The following TEDC1 variants were observed in gnomAD, a reference collection of about 807,000 sequenced individuals.
TEDC1 encodes tubulin epsilon and delta complex protein 1.
Under a neutral mutation model 59.9 loss-of-function variants are expected in TEDC1, and 54 were observed. The observed-to-expected ratio is 0.90, with a 90% CI of 0.72 to 1.13. The LOEUF is 1.13. TEDC1 is among the 50% of genes most tolerant of loss of function. TEDC1 has a pLI of 0.00. For missense variants in TEDC1, 734 were observed against 683.4 expected (o/e 1.07, Z -0.83); for synonymous variants, 353 against 298.1 (o/e 1.18, Z -1.90).
rs200916915 is a variant in TEDC1 at position 105,498,858 on chromosome 14, G to A, written c.1400G>A (p.Arg467His). Residue 467 changes from arginine to histidine, a missense_variant, in exon 9 of 9, where the codon CGT (arginine) becomes CAT (histidine). Coordinates refer to ENST00000392523, the MANE Select transcript of TEDC1 (RefSeq NM_001367178.1). ...SQEACLEAVL[R>H]RLQGQCRQEL... ...GAGGCCTGCCTGGAGGCGGTGCTAC[G>A]TCGACTACAGGGACAGTGTCGGCAG... 207 of 1,611,842 alleles carry A rather than the reference G, an allele frequency of 1.3e-4. 3 individuals carry two copies. In the African/African-American group the frequency reaches 1.6e-3, roughly 13 times the overall value.
chr14:105,492,584 GGCCCTGGCCA>G lies in TEDC1; in HGVS notation c.445_454del (p.Ser149HisfsTer20). The G allele has an allele frequency of 6.5e-7, 1 of 1,538,764 alleles. No homozygotes were observed. The highest frequency in any genetic ancestry group is 8.7e-7 in the Non-Finnish European group (1 of 1,146,776). On this transcript the variant is annotated frameshift_variant, in exon 4 of 9. Transcript: ENST00000392523. LOFTEE classifies it high-confidence loss of function. ...TGACCCTTGCCCCTCTCCAGTGTGA[GGCCCTGGCCA>G]GCCCTGGCCCACCTGCACCCCACAT...
chr14:105,493,081 G>T (rs61067308), intron 4 of TEDC1, among the ~76,000 whole-genome samples: 11,534 of 152,216 alleles, frequency 0.076, 1,476 homozygotes, highest in African/African-American at 0.26. Context: ...GGGCACTGGA[G>T]GGGGAGGAAG....
upstream of TEDC1, chr14:105,490,488 G>A (rs2084182262): frequency 1.3e-5 from 2 of 152,360 alleles, no homozygotes; most frequent in African/African-American, 4.8e-5. Context: ...GCGTCTTTCG[G>A]GGCCGCCCGT....
At chr14:105,494,170 TG>T (rs2084288951) in intron 5 of TEDC1, 1 of 574,564 alleles carries the variant, frequency 1.7e-6, no homozygotes. Flanking sequence ...GTGGCACGGG[TG>T]GGGGCCCAGG....
At chr14:105,490,798 G>A, upstream of TEDC1, 1 of 581,472 alleles carries the variant, frequency 1.7e-6, no homozygotes, top group Non-Finnish European at 3.1e-6. Flanking sequence ...AGGCTCGTCC[G>A]CTCCGACTGC....
intron 2 of TEDC1, among the ~76,000 whole-genome samples, 161 bp downstream of exon 2, chr14:105,491,861 C>G (rs1030170123): frequency 3.9e-5 from 6 of 152,186 alleles, no homozygotes; most frequent in African/African-American, 1.2e-4. Context: ...GTAAGCCACG[C>G]CCCCTGATGG....
Position 105,498,998 on chromosome 14 carries a change from T to C in TEDC1, c.*52T>C. On this transcript the variant is annotated 3_prime_UTR_variant, in exon 9 of 9. Coordinates refer to ENST00000392523, the MANE Select transcript of TEDC1 (RefSeq NM_001367178.1). ...GAAGCCTGCCCTGGCCCAGCCTGGCTGGGTCTTGGAGGAGCAGATTCCAAG... is the reference window on the plus strand; with the variant it reads ...GAAGCCTGCCCTGGCCCAGCCTGGCCGGGTCTTGGAGGAGCAGATTCCAAG... The C allele has an allele frequency of 2.6e-6, 4 of 1,526,978 alleles. No homozygotes were observed. Among genetic ancestry groups the C allele is most frequent in the Non-Finnish European group, 3.5e-6 (4 of 1,136,116 alleles). The allele number at this position is 1,526,978 out of a possible 1,614,324, so 94.6% of individuals were successfully genotyped here.
intron 8 of TEDC1, 48 bp from the exon 9 acceptor site, chr14:105,498,569 G>T (rs2084398694): frequency 1.4e-6 from 2 of 1,476,896 alleles, no homozygotes; most frequent in African/African-American, 2.8e-5. Flanking sequence ...GGGAGCCTGA[G>T]GCCAGTGTCC....
intron 6 of TEDC1, chr14:105,497,030 A>G (rs1401928671): frequency 1.4e-5 from 6 of 439,698 alleles, no homozygotes; most frequent in Middle Eastern, 1.2e-3. Flanking sequence ...ACCTTGTTGG[A>G]CTGGCAGTGG....
chr14:105,498,603 T>C lies in TEDC1; in HGVS notation c.1159-14T>C, dbSNP rs1448457682. 4 of 1,522,792 alleles carry C rather than the reference T, an allele frequency of 2.6e-6. No homozygotes were observed. In the African/African-American group the frequency reaches 4.1e-5, roughly 16 times the overall value. The allele number at this position is 1,522,792 out of a possible 1,614,324, so 94.3% of individuals were successfully genotyped here. On this transcript the variant is annotated splice_polypyrimidine_tract_variant and intron_variant, in intron 8 of 8. Coordinates refer to ENST00000392523, the MANE Select transcript of TEDC1 (RefSeq NM_001367178.1). ...CCTGGGGGGACAGAGCCATTGCCATTGTGTCCCACGCAGGCTGGAGGCTGT... is the reference window on the plus strand; with the variant it reads ...CCTGGGGGGACAGAGCCATTGCCATCGTGTCCCACGCAGGCTGGAGGCTGT...
At chr14:105,498,490 C>A in intron 8 of TEDC1, 127 bp from the exon 9 acceptor site, 1 of 1,061,676 alleles carries the variant, frequency 9.4e-7, no homozygotes, top group Non-Finnish European at 1.3e-6. Flanking sequence ...GTAAGCCTCT[C>A]TGAAGAGCAT....
rs2084234561 is a variant in TEDC1 at position 105,492,337 on chromosome 14, C to T, written c.429+28C>T. Reference sequence around the variant, plus strand: ...GCGTGTGGGTGAGGGTGAGCTGAGCCAGCCCTGGTCTCAACTCCTGGGGCC... The same window carrying T: ...GCGTGTGGGTGAGGGTGAGCTGAGCTAGCCCTGGTCTCAACTCCTGGGGCC... On this transcript the variant is annotated intron_variant, in intron 3 of 8. Transcript: ENST00000392523. 6.3e-6 allele frequency: 10 copies of T among 1,595,482 alleles called. No individual in the cohort carries two copies. The African/African-American group carries it at 9.4e-5, about 15-fold the overall frequency.
chr14:105,498,530 C>A, intron 8 of TEDC1, 87 bp from the exon 9 acceptor site: 1 of 1,372,794 alleles, frequency 7.3e-7, no homozygotes, highest in Non-Finnish European at 9.7e-7. Flanking sequence ...GCAGCGCCTG[C>A]ACCTGAGTCT....
intron 4 of TEDC1, among the ~76,000 whole-genome samples, chr14:105,493,255 C>T (rs1443164662): frequency 2.0e-5 from 3 of 152,118 alleles, no homozygotes; most frequent in Middle Eastern, 3.4e-3. Context: ...GCGGCGGGCT[C>T]CCACCAGCGC....
chr14:105,494,159 C>T (rs988482049), intron 5 of TEDC1: 14 of 581,254 alleles, frequency 2.4e-5, no homozygotes, highest in Admixed American at 6.0e-5. Flanking sequence ...CAAATCAAGA[C>T]GTGGCACGGG....
At chr14:105,494,157 G>A in intron 5 of TEDC1, 1 of 583,418 alleles carries the variant, frequency 1.7e-6, no homozygotes, top group Non-Finnish European at 3.1e-6. Flanking sequence ...CACAAATCAA[G>A]ACGTGGCACG....
Position 105,498,672 on chromosome 14 carries a change from A to G in TEDC1, c.1214A>G (p.Glu405Gly). The change falls in exon 9 of 9, where the codon GAG becomes GGG. Residue 405 changes from glutamate (E) to glycine (G), a missense_variant. Physicochemically the swap from Glu to Gly is moderately conservative, Grantham distance 98. Coordinates refer to ENST00000392523, the MANE Select transcript of TEDC1 (RefSeq NM_001367178.1). ...EWSAARRASR[E>G]AVEKELGALQ... ...AGTGCCGCGCGGCGGGCCTCTCGGGAGGCTGTGGAAAAGGAGCTGGGAGCT... is the reference window on the plus strand; with the variant it reads ...AGTGCCGCGCGGCGGGCCTCTCGGGGGGCTGTGGAAAAGGAGCTGGGAGCT... The G allele has an allele frequency of 6.4e-7, 1 of 1,553,898 alleles. No individual in the cohort carries two copies. Among genetic ancestry groups the G allele is most frequent in the Non-Finnish European group, 8.7e-7 (1 of 1,149,418 alleles).
chr14:105,493,781 T>C (rs1313777923), intron 4 of TEDC1, 54 bp from the exon 5 acceptor site: 16 of 1,263,342 alleles, frequency 1.3e-5, no homozygotes, highest in African/African-American at 4.4e-5. Context: ...AGACTCAGCG[T>C]TGGGGGAGGT....
Position 105,493,837 on chromosome 14 carries a change from C to T in TEDC1, c.588C>T (p.Ile196=), listed in dbSNP as rs782524294. 5 of 1,606,648 alleles carry T rather than the reference C, an allele frequency of 3.1e-6. No individual in the cohort carries two copies. Among genetic ancestry groups the T allele is most frequent in the Non-Finnish European group, 4.2e-6 (5 of 1,178,994 alleles). ...QQEQCALLSK[I]HLYTRGCHSD... is the part of the protein sequence containing the mutation. Reference sequence around the variant, plus strand: ...GGGGTCTGCACTACCTGTTTTAGATCCACCTGTACACACGCGGCTGCCACA... The same window carrying T: ...GGGGTCTGCACTACCTGTTTTAGATTCACCTGTACACACGCGGCTGCCACA... The change falls in exon 5 of 9, where the codon ATC becomes ATT. Residue 196 remains isoleucine, a splice_region_variant and synonymous_variant. Transcript: ENST00000392523.
Sources: allele counts gnomAD v4.1 joint callset (sites outside exome capture counted in the v4.1 genomes callset), GRCh38; gene constraint gnomAD v4.1.1; transcripts MANE v1.5; gene names NCBI Gene and HGNC (gene_info 2026-07-23, HGNC 2026-07-21).